The following ARHGAP32 variants were observed in gnomAD, a reference collection of about 807,000 sequenced individuals.
ARHGAP32 encodes Rho GTPase activating protein 32, also known as rho GTPase-activating protein 32.
In ARHGAP32, 51 loss-of-function variants were observed where a neutral mutation model predicts 186.5. The ratio of observed to expected loss-of-function variants is 0.27; its 90% CI spans 0.22 to 0.35. The LOEUF (loss-of-function observed/expected upper bound fraction) is 0.35. ARHGAP32 is among the 10% of genes least tolerant of loss of function. ARHGAP32 has a pLI of 1.00. For missense variants in ARHGAP32, 2,186 were observed against 2,623.5 expected (o/e 0.83, Z 3.64); for synonymous variants, 950 against 964.3 (o/e 0.99, Z 0.27).
chr11:129,015,766 A>G (rs1252407758), intron 11 of ARHGAP32, among the ~76,000 whole-genome samples: 5 of 152,202 alleles, frequency 3.3e-5, no homozygotes, highest in African/African-American at 1.2e-4. Flanking sequence ...AAACTACATT[A>G]CAATATTCTC....
intron 2 of ARHGAP32, among the ~76,000 whole-genome samples, chr11:129,134,435 T>C (rs1942891869): frequency 1.3e-5 from 2 of 152,124 alleles, no homozygotes; most frequent in African/African-American, 2.4e-5. Context: ...CATGTGAAAT[T>C]TGAAGAATTC....
chr11:129,125,020 A>G (rs1942627726), intron 2 of ARHGAP32, 126 bp from the exon 3 acceptor site: 2 of 549,442 alleles, frequency 3.6e-6, no homozygotes, highest in Non-Finnish European at 6.1e-6. Context: ...TTGGTTTAAT[A>G]ATCTTAAAAT....
intron 1 of ARHGAP32, among the ~76,000 whole-genome samples, chr11:129,191,781 AG>A (rs1381747148): frequency 6.6e-6 from 1 of 152,134 alleles, no homozygotes; most frequent in Non-Finnish European, 1.5e-5. Context: ...AGATACAGGA[AG>A]GGGTAGTAGT....
In ARHGAP32 at chr11:129,081,306, C is replaced by CA. The variant is rs370885379; in HGVS notation, c.531+12314dup. 2.8e-3 allele frequency among the ~76,000 whole-genome samples: 424 copies of CA among 151,210 alleles called. 6 individuals carry two copies. In the South Asian group the frequency reaches 0.044, roughly 16 times the overall value. Reference sequence around the variant, plus strand: ...ATACCAAAACTAAGAAAAGATATAACAAAAAAAAGAAAACTACAGACCAAT... The same window carrying CA: ...ATACCAAAACTAAGAAAAGATATAACAAAAAAAAAGAAAACTACAGACCAAT... On this transcript the variant is annotated intron_variant, in intron 6 of 22. Transcript: ENST00000682385.
At chr11:129,208,667 C>CTTT (rs60437783) in intron 1 of ARHGAP32, among the ~76,000 whole-genome samples, 1 of 142,842 alleles carries the variant, frequency 7.0e-6, no homozygotes, top group Non-Finnish European at 1.5e-5. Flanking sequence ...ATTTTCTTTT[C>CTTT]TTTTTTTTTT....
intron 11 of ARHGAP32, among the ~76,000 whole-genome samples, chr11:129,020,259 TGTTAAAG>T (rs1938538489): frequency 6.6e-6 from 1 of 152,128 alleles, no homozygotes; most frequent in East Asian, 1.9e-4. Context: ...AAAAAATCAC[TGTTAAAG>T]GTTATTAAGC....
At chr11:129,064,123 T>A in intron 8 of ARHGAP32, 99 bp from the exon 9 acceptor site, 4 of 1,078,756 alleles carry the variant, frequency 3.7e-6, no homozygotes. Context: ...AGAGATACAA[T>A]AACCCAAAGA....
intron 10 of ARHGAP32, among the ~76,000 whole-genome samples, chr11:129,051,011 A>G (rs1368018756): frequency 6.6e-6 from 1 of 152,148 alleles, no homozygotes; most frequent in Non-Finnish European, 1.5e-5. Context: ...CATGGTATAT[A>G]TGTGCCACAT....
intron 11 of ARHGAP32, among the ~76,000 whole-genome samples, chr11:129,032,154 C>T (rs1412635856): frequency 6.6e-6 from 1 of 152,220 alleles, no homozygotes; most frequent in African/African-American, 2.4e-5. Flanking sequence ...ACTGACCCTC[C>T]ACTGAGTTAA....
At chr11:129,171,995 G>T (rs1341595389) in intron 1 of ARHGAP32, among the ~76,000 whole-genome samples, 1 of 152,182 alleles carries the variant, frequency 6.6e-6, no homozygotes, top group East Asian at 1.9e-4. Flanking sequence ...AAAAAGGAAT[G>T]CTTGGGATTT....
Position 129,001,077 on chromosome 11 carries a change from G to T in ARHGAP32, c.1046-2609C>A, listed in dbSNP as rs142458752. Among the ~76,000 whole-genome samples the T allele has an allele frequency of 4.6e-5, 7 of 152,280 alleles. No homozygotes were observed. In the East Asian group the frequency reaches 1.3e-3, roughly 29 times the overall value. On this transcript the variant is annotated intron_variant, in intron 11 of 22. Transcript: ENST00000682385. ...ACAAATCTTGGCTATTGTGAGCAGGGATACAACAAACATGGGAGTGCAGAT... is the reference window on the plus strand; with the variant it reads ...ACAAATCTTGGCTATTGTGAGCAGGTATACAACAAACATGGGAGTGCAGAT...
intron 10 of ARHGAP32, among the ~76,000 whole-genome samples, chr11:129,053,452 T>G (rs540522246): frequency 6.6e-6 from 1 of 152,258 alleles, no homozygotes; most frequent in East Asian, 1.9e-4. Flanking sequence ...TAGAACCAGA[T>G]GGTCCACTAT....
chr11:129,102,414 A>G (rs1479409459), intron 5 of ARHGAP32, among the ~76,000 whole-genome samples: 1 of 152,232 alleles, frequency 6.6e-6, no homozygotes, highest in Non-Finnish European at 1.5e-5. Flanking sequence ...GGCAAACTGG[A>G]TAAAGAACCA....
intron 1 of ARHGAP32, among the ~76,000 whole-genome samples, chr11:129,198,522 T>A (rs1234823972): frequency 1.3e-5 from 2 of 152,210 alleles, no homozygotes; most frequent in African/African-American, 2.4e-5. Flanking sequence ...CGAGATCTGA[T>A]GGTTTTATAA....
At chr11:129,011,382 A>G (rs1044094262) in intron 11 of ARHGAP32, among the ~76,000 whole-genome samples, 18 of 152,212 alleles carry the variant, frequency 1.2e-4, no homozygotes, top group African/African-American at 4.1e-4. Flanking sequence ...TGAAGGCAAC[A>G]AAGTAATATC....
intron 6 of ARHGAP32, among the ~76,000 whole-genome samples, chr11:129,081,318 A>T (rs908365294): frequency 1.3e-5 from 2 of 152,104 alleles, no homozygotes; most frequent in Non-Finnish European, 2.9e-5. Context: ...AAAAAAAGAA[A>T]ACTACAGACC....
At chr11:129,101,720 C>G (rs1941904641) in intron 5 of ARHGAP32, among the ~76,000 whole-genome samples, 2 of 152,118 alleles carry the variant, frequency 1.3e-5, no homozygotes, top group Admixed American at 1.3e-4. Flanking sequence ...GAGACCAAAT[C>G]TACAACCCCC....
At chr11:129,096,999 C>T (rs201360560) in intron 5 of ARHGAP32, among the ~76,000 whole-genome samples, 16 of 151,950 alleles carry the variant, frequency 1.1e-4, no homozygotes, top group East Asian at 7.7e-4. Context: ...GGCACAGAGA[C>T]GGACAAGAAC....
chr11:129,047,754 G>A (rs1301742382), intron 10 of ARHGAP32, among the ~76,000 whole-genome samples: 1 of 152,096 alleles, frequency 6.6e-6, no homozygotes, highest in East Asian at 1.9e-4. Flanking sequence ...TCTCTGCCCA[G>A]TCTGACTACC....
Sources: allele counts gnomAD v4.1 joint callset (sites outside exome capture counted in the v4.1 genomes callset), GRCh38; gene constraint gnomAD v4.1.1; transcripts MANE v1.5; gene names NCBI Gene and HGNC (gene_info 2026-07-23, HGNC 2026-07-21).